The following DCUN1D1 variants were observed in gnomAD, a reference collection of about 807,000 sequenced individuals.
The protein encoded by DCUN1D1 is DCN1-like protein 1.
A neutral mutation model predicts 39.0 loss-of-function variants in DCUN1D1; 3 were observed. That is an observed-to-expected ratio of 0.08 (90% confidence interval 0.04 to 0.20). The LOEUF is 0.20. DCUN1D1 is among the 10% of genes least tolerant of loss of function. DCUN1D1 has a pLI of 1.00. For missense variants in DCUN1D1, 158 were observed against 302.4 expected, an observed-to-expected ratio of 0.52 and a Z score of 3.54; for synonymous variants, 82 against 96.3, an observed-to-expected ratio of 0.85 and a Z score of 0.87.
chr3:182,942,412 A>C lies in DCUN1D1; in HGVS notation c.*2682T>G, dbSNP rs1726180474. On this transcript the variant is annotated 3_prime_UTR_variant, in exon 7 of 7. Coordinates refer to ENST00000292782, the MANE Select transcript of DCUN1D1 (RefSeq NM_020640.4). ...TTTTATTGCCTCTGTTGGTAATATG[A>C]CAGGGACTGTAAGAAACACAATTGA... 6.6e-6 allele frequency: 1 copy of C among 152,150 alleles called. No individual in the cohort carries two copies. The highest frequency in any genetic ancestry group is 6.6e-5 in the Admixed American group (1 of 15,262). 9.4% of individuals were successfully genotyped at this position (152,150 alleles called of 1,614,324 possible).
chr3:182,952,317 G>T (rs1253358571), intron 4 of DCUN1D1, among the ~76,000 whole-genome samples: 1 of 151,838 alleles, frequency 6.6e-6, no homozygotes, highest in African/African-American at 2.4e-5. Context: ...TTACATGTTG[G>T]TGTTTTGTAA....
At chr3:182,971,496 C>T (rs539648403) in intron 1 of DCUN1D1, among the ~76,000 whole-genome samples, 2 of 151,260 alleles carry the variant, frequency 1.3e-5, no homozygotes, top group Non-Finnish European at 2.9e-5. Context: ...TCACTTGAGC[C>T]CGGGAGATAG....
chr3:182,960,469 C>T (rs1727325412), intron 4 of DCUN1D1, among the ~76,000 whole-genome samples: 1 of 152,212 alleles, frequency 6.6e-6, no homozygotes, highest in African/African-American at 2.4e-5. Flanking sequence ...TATCTTCTCA[C>T]TGGAACATCT....
At chr3:182,955,309 T>G (rs1726982389) in intron 4 of DCUN1D1, 2 of 545,222 alleles carry the variant, frequency 3.7e-6, no homozygotes, top group Non-Finnish European at 7.4e-6. Flanking sequence ...CTTTCTTCAC[T>G]TCTTCTGCAG....
At chr3:182,969,336 C>T (rs1219875732) in intron 1 of DCUN1D1, among the ~76,000 whole-genome samples, 1 of 152,128 alleles carries the variant, frequency 6.6e-6, no homozygotes. Flanking sequence ...GACAGTATGG[C>T]ACTAAAGATT....
chr3:182,981,076 C>T (rs1341954194), upstream of DCUN1D1: 1 of 152,302 alleles, frequency 6.6e-6, no homozygotes, highest in African/African-American at 2.4e-5. Context: ...ATCAGACCTA[C>T]ATCAGTTCCC....
At chr3:182,974,810 A>C (rs1361595697) in intron 1 of DCUN1D1, among the ~76,000 whole-genome samples, 1 of 151,706 alleles carries the variant, frequency 6.6e-6, no homozygotes, top group Non-Finnish European at 1.5e-5. Flanking sequence ...CAGCCTAATC[A>C]CTCTCAGTGA....
At chr3:182,976,444 TACACACACACACACACACACACACAC>T (rs59465164) in intron 1 of DCUN1D1, among the ~76,000 whole-genome samples, 28 of 140,684 alleles carry the variant, frequency 2.0e-4, no homozygotes, top group African/African-American at 2.7e-4. Flanking sequence ...TATACATACA[TACACACACACACACACACACACACAC>T]ACACACACAC....
At chr3:182,972,050 GTTTTTTTTT>G (rs397877483) in intron 1 of DCUN1D1, among the ~76,000 whole-genome samples, 16 of 108,866 alleles carry the variant, frequency 1.5e-4, no homozygotes, top group African/African-American at 5.2e-4. Context: ...TCTATTTAGG[GTTTTTTTTT>G]TTTTTTTTTT....
intron 1 of DCUN1D1, among the ~76,000 whole-genome samples, chr3:182,977,601 A>C (rs1212999459): frequency 6.6e-6 from 1 of 151,978 alleles, no homozygotes; most frequent in Non-Finnish European, 1.5e-5. Flanking sequence ...ACGCCTGGCT[A>C]ATTTTTGTAT....
intron 1 of DCUN1D1, 83 bp downstream of exon 1, chr3:182,980,404 G>A: frequency 1.0e-6 from 1 of 979,908 alleles, no homozygotes; most frequent in African/African-American, 1.8e-5. Flanking sequence ...GGGTCGCCGC[G>A]GGACGGAGGG....
At chr3:182,972,754 A>G (rs1171400228) in intron 1 of DCUN1D1, among the ~76,000 whole-genome samples, 1 of 151,884 alleles carries the variant, frequency 6.6e-6, no homozygotes, top group Non-Finnish European at 1.5e-5. Flanking sequence ...ACAACAAAAA[A>G]AAGAGGCTGG....
chr3:182,979,551 A>G (rs978857024), intron 1 of DCUN1D1, among the ~76,000 whole-genome samples: 2 of 151,962 alleles, frequency 1.3e-5, no homozygotes, highest in Non-Finnish European at 2.9e-5. Context: ...CTTAATTACC[A>G]AAGTAAACAA....
At chr3:182,985,015 A>G (rs1728681368), upstream of DCUN1D1, among the ~76,000 whole-genome samples, 4 of 152,212 alleles carry the variant, frequency 2.6e-5, no homozygotes, top group Admixed American at 2.6e-4. Flanking sequence ...ATTGGATTCA[A>G]GCTTGCTGAT....
In DCUN1D1 at chr3:182,943,107, T is replaced by TA. The variant is rs1217552543; in HGVS notation, c.*1986_*1987insT. ...CAATATGACTTTTAAAGAAAACACTTTATATTGAAAAAAAAAAAAAAAAAA... is the reference window on the plus strand; with the variant it reads ...CAATATGACTTTTAAAGAAAACACTTATATATTGAAAAAAAAAAAAAAAAAA... On this transcript the variant is annotated 3_prime_UTR_variant, in exon 7 of 7. Coordinates refer to ENST00000292782, the MANE Select transcript of DCUN1D1 (RefSeq NM_020640.4). The TA allele has an allele frequency of 1.4e-5, 2 of 138,396 alleles. No individual in the cohort carries two copies. Among genetic ancestry groups the TA allele is most frequent in the African/African-American group, 6.0e-5 (2 of 33,364 alleles). The allele number at this position is 138,396 out of a possible 1,614,324, so 8.6% of individuals were successfully genotyped here.
chr3:182,959,582 A>G (rs1727278356), intron 4 of DCUN1D1, among the ~76,000 whole-genome samples: 2 of 150,006 alleles, frequency 1.3e-5, no homozygotes, highest in Non-Finnish European at 2.9e-5. Flanking sequence ...AAATTTCCTC[A>G]TCTTCAAATT....
chr3:182,958,510 A>T (rs1167317010), intron 4 of DCUN1D1, among the ~76,000 whole-genome samples: 1 of 152,182 alleles, frequency 6.6e-6, no homozygotes, highest in East Asian at 1.9e-4. Context: ...GGGGTCTTAA[A>T]TAACATTTTC....
intron 2 of DCUN1D1, 96 bp from the exon 3 acceptor site, chr3:182,964,145 AC>A: frequency 1.1e-6 from 1 of 945,702 alleles, no homozygotes. Flanking sequence ...TTTTTAAATG[AC>A]CACAATATAT....
chr3:182,942,434 T>C lies in DCUN1D1; in HGVS notation c.*2660A>G, dbSNP rs1028099737. 6.6e-5 allele frequency: 10 copies of C among 152,072 alleles called. No homozygotes were observed. The highest frequency in any genetic ancestry group is 2.1e-4 in the South Asian group (1 of 4,828). The allele number at this position is 152,072 out of a possible 1,614,324, so 9.4% of individuals were successfully genotyped here. A position where few individuals can be genotyped will look rare whatever the true frequency, so the allele number is the denominator to read the frequency against. ...ATGACAGGGACTGTAAGAAACACAA[T>C]TGAACTTACAGAGATATGCAGATGA... On this transcript the variant is annotated 3_prime_UTR_variant, in exon 7 of 7. Coordinates refer to ENST00000292782, the MANE Select transcript of DCUN1D1 (RefSeq NM_020640.4).
Sources: gnomAD v4.1 joint callset for allele counts (sites outside exome capture counted in the v4.1 genomes callset) on GRCh38, gnomAD v4.1.1 for gene constraint, MANE v1.5 for transcripts, NCBI Gene and HGNC (gene_info 2026-07-23, HGNC 2026-07-21) for gene names.